Variants in KAZN observed in about 807,000 individuals in gnomAD.
KAZN encodes kazrin.
In KAZN, 40 loss-of-function variants were observed where a neutral mutation model predicts 87.4. The ratio of observed to expected loss-of-function variants is 0.46; its 90% CI spans 0.36 to 0.60. KAZN has a LOEUF of 0.60. Ranked by LOEUF, KAZN falls within the 20% of genes least tolerant of loss-of-function variation. The pLI is 0.00. For missense variants in KAZN, 898 were observed against 1,073.9 expected (o/e 0.84, Z 2.29); for synonymous variants, 466 against 458.3 (o/e 1.02, Z -0.22).
chr1:14,657,077 C>CTTTTTTT (rs35046893), intron 1 of KAZN, among the ~76,000 whole-genome samples: 3 of 83,340 alleles, frequency 3.6e-5, no homozygotes, highest in Admixed American at 1.6e-4. Context: ...AAGAGAGAGG[C>CTTTTTTT]TTTTTTTTTT....
At position 14,276,287 on chromosome 1, in the gene KAZN, G is replaced by A. The variant is rs77476220; in HGVS notation, c.249+95695G>A. 1.8e-4 allele frequency among the ~76,000 whole-genome samples: 27 copies of A among 150,428 alleles called. 1 individual carries two copies. In the East Asian group the frequency reaches 3.1e-3, roughly 17 times the overall value. On this transcript the variant is annotated intron_variant, in intron 2 of 16. Transcript: ENST00000636203. ...CAACATCATCATCATCATCATCATC[G>A]TCATCAGTAACTGCATTTTATGGGT...
intron 2 of KAZN, among the ~76,000 whole-genome samples, chr1:14,541,041 A>G (rs7546646): frequency 0.9 from 136,404 of 152,158 alleles, 61,462 homozygotes; most frequent in Middle Eastern, 0.98. Flanking sequence ...GGAGTGGGCA[A>G]CAGACCCCGG....
At chr1:14,313,310 T>G (rs573660160) in intron 2 of KAZN, among the ~76,000 whole-genome samples, 1 of 152,176 alleles carries the variant, frequency 6.6e-6, no homozygotes, top group African/African-American at 2.4e-5. Context: ...AATAGAATCA[T>G]GTGTACTCTT....
At position 14,996,709 on chromosome 1, in the gene KAZN, C is replaced by G. The variant is rs1667900267; in HGVS notation, c.418+35834C>G. Reference sequence around the variant, plus strand: ...TACGCACGACCGAGGGCCATTCTTCCCTCACTGCCGGCCTCTCCCAGTCCC... The same window carrying G: ...TACGCACGACCGAGGGCCATTCTTCGCTCACTGCCGGCCTCTCCCAGTCCC... On this transcript the variant is annotated intron_variant, in intron 2 of 14. Coordinates refer to ENST00000376030, the MANE Select transcript of KAZN (RefSeq NM_201628.3). The surrounding 1 kb of genome is among the most constrained non-coding windows in gnomAD (Gnocchi z 5.9). Among the ~76,000 whole-genome samples, 1 of 152,206 alleles carries G rather than the reference C, an allele frequency of 6.6e-6. No homozygotes were observed. The highest frequency in any genetic ancestry group is 1.5e-5 in the Non-Finnish European group (1 of 68,036).
intron 4 of KAZN, among the ~76,000 whole-genome samples, chr1:15,045,675 T>C (rs986507717): frequency 2.6e-5 from 4 of 152,200 alleles, no homozygotes; most frequent in Non-Finnish European, 5.9e-5. Context: ...TTTAATTGAC[T>C]CACAGTTCCG....
intron 1 of KAZN, among the ~76,000 whole-genome samples, chr1:14,836,034 A>G (rs1436622065): frequency 1.3e-5 from 2 of 152,204 alleles, no homozygotes; most frequent in Non-Finnish European, 2.9e-5. Context: ...CTTGTGGGCC[A>G]GTTGGATGAC....
At chr1:14,163,926 C>G (rs1645765255) in intron 1 of KAZN, among the ~76,000 whole-genome samples, 1 of 152,210 alleles carries the variant, frequency 6.6e-6, no homozygotes, top group South Asian at 2.1e-4. Context: ...CCCTCACCAG[C>G]AGCTTCTGTG....
chr1:14,491,353 G>A (rs1251188983), intron 2 of KAZN, among the ~76,000 whole-genome samples: 1 of 152,114 alleles, frequency 6.6e-6, no homozygotes, highest in Non-Finnish European at 1.5e-5. Context: ...TGCAGAATGT[G>A]CAGGTTTGTT....
intron 2 of KAZN, among the ~76,000 whole-genome samples, chr1:14,215,980 C>A (rs977765370): frequency 6.6e-6 from 1 of 151,956 alleles, no homozygotes; most frequent in Admixed American, 6.6e-5. Flanking sequence ...CAATAACATA[C>A]AAAAATATAA....
chr1:14,473,890 C>T (rs1668585740), intron 2 of KAZN, among the ~76,000 whole-genome samples: 2 of 152,194 alleles, frequency 1.3e-5, no homozygotes, highest in African/African-American at 4.8e-5. Context: ...TTATTCTCCT[C>T]AGCTCAAATG....
intron 2 of KAZN, among the ~76,000 whole-genome samples, chr1:14,247,862 G>A (rs993193965): frequency 1.3e-5 from 2 of 151,554 alleles, no homozygotes; most frequent in African/African-American, 2.4e-5. Context: ...CTTCATGTAC[G>A]CTGGCAGGCC....
At chr1:14,665,897 G>A (rs1639508123) in intron 1 of KAZN, among the ~76,000 whole-genome samples, 1 of 143,606 alleles carries the variant, frequency 7.0e-6, no homozygotes, top group South Asian at 2.2e-4. Flanking sequence ...TTTTCCTTTG[G>A]CAGTTTGGAG....
intron 1 of KAZN, among the ~76,000 whole-genome samples, chr1:13,939,033 AGATCTTTGGAGT>A (rs2100962385): frequency 6.6e-6 from 1 of 152,312 alleles, no homozygotes; most frequent in South Asian, 2.1e-4. Context: ...GTTGCCTTGC[AGATCTTTGGAGT>A]GACTTCCAGG....
intron 1 of KAZN, among the ~76,000 whole-genome samples, chr1:14,160,112 C>T (rs1381996806): frequency 6.6e-6 from 1 of 152,222 alleles, no homozygotes; most frequent in Admixed American, 6.5e-5. Context: ...TCCACTGTCT[C>T]TGGGCCCAGT....
At chr1:14,737,495 A>G (rs544092758) in intron 1 of KAZN, among the ~76,000 whole-genome samples, 1 of 152,310 alleles carries the variant, frequency 6.6e-6, no homozygotes, top group East Asian at 1.9e-4. Context: ...ACAGTGATGC[A>G]GTCACTTTGT....
At chr1:14,686,717 G>A (rs1293405005) in intron 1 of KAZN, among the ~76,000 whole-genome samples, 1 of 152,192 alleles carries the variant, frequency 6.6e-6, no homozygotes, top group Non-Finnish European at 1.5e-5. Context: ...CACTGGCCCT[G>A]GCTTCTCAGA....
chr1:14,943,453 C>T (rs965406578), intron 1 of KAZN, among the ~76,000 whole-genome samples: 3 of 152,120 alleles, frequency 2.0e-5, no homozygotes, highest in Admixed American at 6.5e-5. Context: ...TCTCTGGGGA[C>T]CCAGGACAAT....
intron 1 of KAZN, among the ~76,000 whole-genome samples, chr1:14,849,936 C>CA (rs929379171): frequency 7.3e-5 from 11 of 150,088 alleles, no homozygotes; most frequent in Admixed American, 6.0e-4. Flanking sequence ...TTTCTACCCC[C>CA]CCTTTTTTTT....
chr1:14,918,196 A>G (rs1337053759), intron 1 of KAZN, among the ~76,000 whole-genome samples: 3 of 152,132 alleles, frequency 2.0e-5, no homozygotes, highest in Non-Finnish European at 1.5e-5. Context: ...ATGCACTTCT[A>G]ATGAACAGAA....
Sources: allele counts gnomAD v4.1 joint callset (sites outside exome capture counted in the v4.1 genomes callset), GRCh38; gene constraint gnomAD v4.1.1; non-coding constraint Gnocchi (gnomAD v3.1); transcripts MANE v1.5; gene names NCBI Gene and HGNC (gene_info 2026-07-23, HGNC 2026-07-21).